The following GMDS variants were observed in gnomAD, a reference collection of about 807,000 sequenced individuals.
GMDS encodes the protein GDP-mannose 4,6 dehydratase.
A neutral mutation model predicts 49.9 loss-of-function variants in GMDS; 20 were observed. That is an observed-to-expected ratio of 0.40 (90% CI 0.28 to 0.58). The LOEUF (loss-of-function observed/expected upper bound fraction) is 0.58, where lower values mean the gene tolerates loss of function less well. Among genes scored for constraint, GMDS ranks in the 20% least tolerant of loss-of-function variants. The pLI, the probability that GMDS is intolerant of heterozygous loss-of-function variation, is 0.42. For synonymous variants in GMDS, 177 were observed against 178.6 expected (o/e 0.99, Z 0.07); for missense variants, 362 against 481.4 (o/e 0.75, Z 2.32).
At chr6:2,066,101 T>C (rs1771571177) in intron 4 of GMDS, among the ~76,000 whole-genome samples, 1 of 151,616 alleles carries the variant, frequency 6.6e-6, no homozygotes, top group Admixed American at 6.6e-5. Context: ...CAGAAGAGAG[T>C]GGGGGCCAAT....
chr6:1,751,225 A>T (rs1767717285), intron 7 of GMDS, among the ~76,000 whole-genome samples: 1 of 152,192 alleles, frequency 6.6e-6, no homozygotes, highest in African/African-American at 2.4e-5. Context: ...AGCTCTGCTA[A>T]GGGACAGACT....
At chr6:2,065,653 C>T (rs1771528272) in intron 4 of GMDS, among the ~76,000 whole-genome samples, 1 of 151,928 alleles carries the variant, frequency 6.6e-6, no homozygotes, top group Non-Finnish European at 1.5e-5. Context: ...ATGCGATCAA[C>T]TGGAAGAAAG....
At chr6:1,823,158 G>A (rs1007363465) in intron 7 of GMDS, among the ~76,000 whole-genome samples, 4 of 152,022 alleles carry the variant, frequency 2.6e-5, no homozygotes, top group Admixed American at 6.5e-5. Flanking sequence ...AAACTTATTT[G>A]TACAACATAC....
At chr6:2,099,349 A>G (rs773711783) in intron 4 of GMDS, among the ~76,000 whole-genome samples, 1 of 152,124 alleles carries the variant, frequency 6.6e-6, no homozygotes, top group Non-Finnish European at 1.5e-5. Flanking sequence ...TATACAGTCA[A>G]TATAGTTACG....
intron 9 of GMDS, among the ~76,000 whole-genome samples, chr6:1,696,324 G>A (rs866982922): frequency 1.3e-5 from 2 of 152,218 alleles, no homozygotes; most frequent in Admixed American, 6.5e-5. Flanking sequence ...TAGGGCCTAC[G>A]CCGTGATTTG....
chr6:1,868,196 AG>A (rs1758534963), intron 7 of GMDS, among the ~76,000 whole-genome samples: 1 of 152,080 alleles, frequency 6.6e-6, no homozygotes, highest in African/African-American at 2.4e-5. Flanking sequence ...CATATTGGCC[AG>A]GCTGGTCTCG....
At chr6:1,643,636 C>T (rs1025297293) in intron 9 of GMDS, among the ~76,000 whole-genome samples, 9 of 152,016 alleles carry the variant, frequency 5.9e-5, no homozygotes, top group African/African-American at 2.2e-4. Flanking sequence ...GGAGAGGTGA[C>T]CACCTGGGCC....
chr6:1,815,357 T>G (rs1337407185), intron 7 of GMDS, among the ~76,000 whole-genome samples: 1 of 152,248 alleles, frequency 6.6e-6, no homozygotes, highest in African/African-American at 2.4e-5. Context: ...ATAACTTCTG[T>G]ACTTCTGGAG....
intron 9 of GMDS, among the ~76,000 whole-genome samples, chr6:1,634,625 AATATGGAGTCTG>A (rs1408505320): frequency 6.6e-6 from 1 of 152,178 alleles, no homozygotes; most frequent in Non-Finnish European, 1.5e-5. Flanking sequence ...CAGCACATCC[AATATGGAGTCTG>A]GGCTTTGCTT....
At chr6:2,174,334 C>T (rs949150893) in intron 1 of GMDS, among the ~76,000 whole-genome samples, 1 of 152,120 alleles carries the variant, frequency 6.6e-6, no homozygotes, top group Non-Finnish European at 1.5e-5. Context: ...CTTCAGGTCT[C>T]GCATAGAAAA....
chr6:1,849,748 A>G (rs1299844791), intron 7 of GMDS, among the ~76,000 whole-genome samples: 1 of 152,190 alleles, frequency 6.6e-6, no homozygotes, highest in Non-Finnish European at 1.5e-5. Context: ...GAATTACCCT[A>G]TTATGTCTAG....
chr6:1,921,299 T>C (rs1299002408), intron 7 of GMDS, among the ~76,000 whole-genome samples: 2 of 152,244 alleles, frequency 1.3e-5, no homozygotes, highest in Non-Finnish European at 2.9e-5. Context: ...CCCAGTCTCA[T>C]GTTTCTAAAC....
intron 4 of GMDS, among the ~76,000 whole-genome samples, chr6:1,963,727 A>C (rs545752636): frequency 6.6e-6 from 1 of 152,268 alleles, no homozygotes; most frequent in South Asian, 2.1e-4. Flanking sequence ...TGCATTGAGA[A>C]GGCCTTGGGA....
intron 1 of GMDS, among the ~76,000 whole-genome samples, chr6:2,174,293 G>T (rs1778162352): frequency 6.6e-6 from 1 of 152,174 alleles, no homozygotes; most frequent in African/African-American, 2.4e-5. Flanking sequence ...ATAAGAGAAT[G>T]TTTGAATACC....
intron 1 of GMDS, among the ~76,000 whole-genome samples, chr6:2,156,747 T>C (rs1777133472): frequency 6.6e-6 from 1 of 152,202 alleles, no homozygotes; most frequent in Non-Finnish European, 1.5e-5. Flanking sequence ...AGATATTATG[T>C]TTATCTCTGT....
chr6:2,000,021 AT>A (rs1766680347), intron 4 of GMDS, among the ~76,000 whole-genome samples: 3 of 27,398 alleles, frequency 1.1e-4, no homozygotes, highest in African/African-American at 4.1e-4. Context: ...TTTTATATAT[AT>A]ATATATCTAT....
intron 7 of GMDS, among the ~76,000 whole-genome samples, chr6:1,841,634 A>G (rs1421844179): frequency 6.6e-6 from 1 of 152,206 alleles, no homozygotes; most frequent in Non-Finnish European, 1.5e-5. Context: ...AATTAACAAT[A>G]TTTTGCACAT....
intron 9 of GMDS, among the ~76,000 whole-genome samples, chr6:1,719,409 A>T (rs537374832): frequency 6.6e-6 from 1 of 152,220 alleles, no homozygotes; most frequent in Admixed American, 6.5e-5. Context: ...TAGTGTCTGC[A>T]GAGCAACTGT....
rs3839594 is a variant in GMDS, at chr6:1,817,108, T to TACACAC, written c.772-74528_772-74523dup. On this transcript the variant is annotated intron_variant, in intron 7 of 10. Coordinates refer to ENST00000380815, the MANE Select transcript of GMDS (RefSeq NM_001500.4). ...ATATATATTTAATACATTGCTCCTT[T>TACACAC]ACACACACACACACACACACTCACA... Among the ~76,000 whole-genome samples the TACACAC allele has an allele frequency of 5.4e-3, 790 of 146,124 alleles. 10 individuals are homozygous for TACACAC. The highest frequency in any genetic ancestry group is 0.018 in the African/African-American group (722 of 39,320).
Sources: gnomAD v4.1 joint callset for allele counts (sites outside exome capture counted in the v4.1 genomes callset) on GRCh38, gnomAD v4.1.1 for gene constraint, MANE v1.5 for transcripts, NCBI Gene and HGNC (gene_info 2026-07-23, HGNC 2026-07-21) for gene names.